EPS15: variants seen among roughly 807,000 people sequenced by gnomAD.
The protein encoded by EPS15 is epidermal growth factor receptor substrate 15.
In EPS15, 72 loss-of-function variants were observed where a neutral mutation model predicts 113.8. That is an observed-to-expected ratio of 0.63 (90% CI 0.52 to 0.77). EPS15 has a LOEUF of 0.77. EPS15 is among the 30% of genes least tolerant of loss of function. The pLI is 0.00. For synonymous variants in EPS15, 344 were observed against 363.4 expected (o/e 0.95, Z 0.61); for missense variants, 1,048 against 1,045.8 (o/e 1.00, Z -0.03).
intron 22 of EPS15, among the ~76,000 whole-genome samples, chr1:51,364,890 C>T (rs534718491): frequency 1.3e-4 from 20 of 151,894 alleles, no homozygotes; most frequent in Non-Finnish European, 2.4e-4. Context: ...AGTACAGTGG[C>T]GCAATCTAGG....
At chr1:51,402,999 C>T (rs1301426850) in intron 17 of EPS15, among the ~76,000 whole-genome samples, 2 of 152,084 alleles carry the variant, frequency 1.3e-5, no homozygotes, top group Non-Finnish European at 2.9e-5. Flanking sequence ...TTCACCTTAA[C>T]ATATTTTTCT....
At position 51,361,285 on chromosome 1, in the gene EPS15, T is replaced by A. The variant is rs1557765547; in HGVS notation, c.2430A>T (p.Pro810=). The part of the protein sequence containing the change: ...FKLNDPFQPF[P]GNDSPKEKDP... ...CTTTTTCTTTGGGGCTATCGTTGCCTGGGAAAGGCTGAAATGGATCATTCA... is the reference window on the plus strand; with the variant it reads ...CTTTTTCTTTGGGGCTATCGTTGCCAGGGAAAGGCTGAAATGGATCATTCA... Residue 810 remains proline, a synonymous_variant, in exon 24 of 25, where the codon CCA becomes CCT. Transcript: ENST00000371733. 6.2e-7 allele frequency: 1 copy of A among 1,613,870 alleles called. No homozygotes were observed. The highest frequency in any genetic ancestry group is 8.5e-7 in the Non-Finnish European group (1 of 1,179,784).
chr1:51,460,943 G>T, intron 8 of EPS15, 148 bp downstream of exon 8: 6 of 552,430 alleles, frequency 1.1e-5, no homozygotes, highest in Non-Finnish European at 1.9e-5. Context: ...GACAGAGTGA[G>T]ACTCTGTCTC....
chr1:51,421,960 G>A (rs751959566), intron 12 of EPS15, 102 bp from the exon 13 acceptor site: 1 of 1,493,842 alleles, frequency 6.7e-7, no homozygotes, highest in South Asian at 1.4e-5. Flanking sequence ...AATACATAGT[G>A]AAACATTCAA....
intron 7 of EPS15, chr1:51,461,680 G>A (rs1654466230): frequency 6.6e-6 from 1 of 152,204 alleles, no homozygotes. Context: ...AATAACAACA[G>A]TGTATTTATA....
intron 12 of EPS15, chr1:51,423,768 C>G (rs1314690925): frequency 3.1e-6 from 3 of 978,688 alleles, no homozygotes; most frequent in Admixed American, 1.2e-4. Flanking sequence ...CTCAAAGTAG[C>G]CAAGGCAGAA....
chr1:51,441,899 T>G (rs1391729410), intron 11 of EPS15, among the ~76,000 whole-genome samples: 1 of 152,154 alleles, frequency 6.6e-6, no homozygotes, highest in Non-Finnish European at 1.5e-5. Context: ...AAATTATTAC[T>G]CTAAAAGTAA....
intron 21 of EPS15, among the ~76,000 whole-genome samples, chr1:51,376,027 T>C (rs1032071347): frequency 6.6e-6 from 1 of 152,238 alleles, no homozygotes; most frequent in Non-Finnish European, 1.5e-5. Context: ...TAAAGGTGGC[T>C]ACACTAAACA....
At chr1:51,386,146 CA>C (rs754073560) in intron 21 of EPS15, among the ~76,000 whole-genome samples, 2 of 152,182 alleles carry the variant, frequency 1.3e-5, no homozygotes, top group Non-Finnish European at 2.9e-5. Flanking sequence ...GCAGCTGGCT[CA>C]TTTTTTCATT....
chr1:51,517,887 T>C (rs1557546646), intron 1 of EPS15, among the ~76,000 whole-genome samples: 1 of 151,138 alleles, frequency 6.6e-6, no homozygotes, highest in Non-Finnish European at 1.5e-5. Flanking sequence ...CATTTTTTTC[T>C]CTCTATCCTA....
At chr1:51,453,252 A>G (rs1653721303) in intron 8 of EPS15, among the ~76,000 whole-genome samples, 1 of 152,200 alleles carries the variant, frequency 6.6e-6, no homozygotes, top group Admixed American at 6.5e-5. Context: ...AGTGGACACT[A>G]GAAGCGAAAA....
chr1:51,421,875 C>T lies in EPS15; in HGVS notation c.1041-17G>A. 6.2e-7 allele frequency: 1 copy of T among 1,611,266 alleles called. No individual in the cohort carries two copies. Among genetic ancestry groups the T allele is most frequent in the Non-Finnish European group, 8.5e-7 (1 of 1,178,266 alleles). ...TTCTTTTCCCTAGAAGACCAGCAAACAATGCAAGAATATTTTAGAACATCA... is the reference window on the plus strand; with the variant it reads ...TTCTTTTCCCTAGAAGACCAGCAAATAATGCAAGAATATTTTAGAACATCA... On this transcript the variant is annotated splice_polypyrimidine_tract_variant and intron_variant, in intron 12 of 24. Coordinates refer to ENST00000371733, the MANE Select transcript of EPS15 (RefSeq NM_001981.3).
At chr1:51,467,960 T>A (rs1314031908) in intron 5 of EPS15, among the ~76,000 whole-genome samples, 1 of 151,722 alleles carries the variant, frequency 6.6e-6, no homozygotes, top group Admixed American at 6.6e-5. Flanking sequence ...TAAGTATTTA[T>A]ATATATATAT....
chr1:51,519,184 G>A lies in EPS15; in HGVS notation c.33+15C>T. The A allele has an allele frequency of 1.4e-6, 2 of 1,443,182 alleles. No individual in the cohort carries two copies. Among genetic ancestry groups the A allele is most frequent in the Non-Finnish European group, 1.8e-6 (2 of 1,089,726 alleles). 89.4% of individuals were successfully genotyped at this position (1,443,182 alleles called of 1,614,324 possible). A position where few individuals can be genotyped will look rare whatever the true frequency, so the allele number is the denominator to read the frequency against. On this transcript the variant is annotated intron_variant, in intron 1 of 24. Transcript: ENST00000371733. The stretch of plus-strand genomic sequence containing the variant: ...ACCGGCCGGCCAAGCCCGGCGGACG[G>A]GCGTGTGGCGTTACCTGTGTCAGAG...
At chr1:51,448,016 G>C (rs1653207500) in intron 9 of EPS15, 30 bp downstream of exon 9, 1 of 1,606,898 alleles carries the variant, frequency 6.2e-7, no homozygotes, top group Non-Finnish European at 8.5e-7. Context: ...CTGAAGAGGG[G>C]ATCAACCGCA....
intron 12 of EPS15, among the ~76,000 whole-genome samples, chr1:51,431,391 C>A (rs1028465409): frequency 6.6e-6 from 1 of 151,824 alleles, no homozygotes; most frequent in Admixed American, 6.6e-5. Flanking sequence ...AAGCACACCC[C>A]CTTAGTGGCA....
intron 8 of EPS15, among the ~76,000 whole-genome samples, chr1:51,453,017 C>T (rs564064968): frequency 1.3e-5 from 2 of 152,312 alleles, no homozygotes; most frequent in African/African-American, 2.4e-5. Context: ...TTTCACTAGC[C>T]AACCTAGAAG....
In EPS15 at chr1:51,402,873, C is replaced by G. The variant is rs574291741; in HGVS notation, c.1792-348G>C. 1.1e-4 allele frequency among the ~76,000 whole-genome samples: 16 copies of G among 152,282 alleles called. No individual in the cohort carries two copies. The South Asian group carries it at 3.3e-3, about 32-fold the overall frequency. On this transcript the variant is annotated intron_variant, in intron 17 of 24. Transcript: ENST00000371733. ...TGAGCCAAGATCACACTACTGCACT[C>G]AAGGCTGGGTGACAGAGTGAGACTT...
At chr1:51,408,607 ATGTTGT>A (rs1041799866) in intron 14 of EPS15, among the ~76,000 whole-genome samples, 1 of 150,856 alleles carries the variant, frequency 6.6e-6, no homozygotes, top group Admixed American at 6.6e-5. Flanking sequence ...GGAGTTTTTG[ATGTTGT>A]TGTTGTTGTT....
Sources: allele counts gnomAD v4.1 joint callset (sites outside exome capture counted in the v4.1 genomes callset), GRCh38; gene constraint gnomAD v4.1.1; transcripts MANE v1.5; gene names NCBI Gene and HGNC (gene_info 2026-07-23, HGNC 2026-07-21).